PTPRE: variants seen among roughly 807,000 people sequenced by gnomAD.
PTPRE encodes receptor-type tyrosine-protein phosphatase epsilon.
In PTPRE, 51 loss-of-function variants were observed where a neutral mutation model predicts 102.0. The observed-to-expected ratio is 0.50, with a 90% CI of 0.40 to 0.63. PTPRE has a LOEUF of 0.63. Ranked by LOEUF, PTPRE falls within the 30% of genes least tolerant of loss-of-function variation. The pLI is 0.00. For missense variants in PTPRE, 752 were observed against 915.1 expected (o/e 0.82, Z 2.30); for synonymous variants, 345 against 348.2 (o/e 0.99, Z 0.10).
intron 10 of PTPRE, 40 bp from the exon 11 acceptor site, chr10:128,066,035 C>G: frequency 6.2e-7 from 1 of 1,614,072 alleles, no homozygotes; most frequent in South Asian, 1.1e-5. Flanking sequence ...ATGCATTGCA[C>G]CCACAGATCT....
chr10:128,070,143 C>T lies in PTPRE; in HGVS notation c.1144-158C>T, dbSNP rs140562779. ...CTCCTTACTCAAGGGCATAAATGGT[C>T]GTTATCCGTGGCCGGTACTCTGACT... On this transcript the variant is annotated intron_variant, in intron 13 of 20. Coordinates refer to ENST00000254667, the MANE Select transcript of PTPRE (RefSeq NM_006504.6). The surrounding 1 kb of genome is among the most constrained non-coding windows in gnomAD (Gnocchi z 4.8). The T allele has an allele frequency of 6.2e-4, 530 of 859,640 alleles. 4 individuals are homozygous for T. The East Asian group carries it at 9.7e-3, about 16-fold the overall frequency. 53.3% of individuals were successfully genotyped at this position (859,640 alleles called of 1,614,324 possible).
At chr10:128,027,556 G>A (rs544915230) in intron 2 of PTPRE, among the ~76,000 whole-genome samples, 1 of 152,284 alleles carries the variant, frequency 6.6e-6, no homozygotes, top group South Asian at 2.1e-4. Flanking sequence ...GTCAGCCTCC[G>A]CCTCCTGGCC....
chr10:128,040,472 G>A (rs1313183625), intron 2 of PTPRE, among the ~76,000 whole-genome samples: 2 of 152,120 alleles, frequency 1.3e-5, no homozygotes, highest in Non-Finnish European at 2.9e-5. Context: ...TGAATGGGAG[G>A]GGTAGAGTTA....
chr10:127,952,880 A>G (rs377157878), intron 1 of PTPRE, among the ~76,000 whole-genome samples: 1 of 152,190 alleles, frequency 6.6e-6, no homozygotes, highest in East Asian at 1.9e-4. Flanking sequence ...CTCTGGACTT[A>G]TAGGTTAGAC....
intron 1 of PTPRE, among the ~76,000 whole-genome samples, chr10:127,910,330 C>T (rs1385009023): frequency 6.6e-6 from 1 of 152,174 alleles, no homozygotes; most frequent in Non-Finnish European, 1.5e-5. Context: ...AACTCCTACC[C>T]ATACCTCAAG....
chr10:127,923,579 T>G (rs556305052), intron 1 of PTPRE, among the ~76,000 whole-genome samples: 1 of 152,148 alleles, frequency 6.6e-6, no homozygotes, highest in African/African-American at 2.4e-5. Context: ...AATTTTTGTA[T>G]TTTTAGTAAG....
At chr10:127,928,563 C>G (rs1350731274) in intron 1 of PTPRE, among the ~76,000 whole-genome samples, 1 of 152,190 alleles carries the variant, frequency 6.6e-6, no homozygotes, top group East Asian at 1.9e-4. Flanking sequence ...TTCCACGCAC[C>G]TAGACCCATG....
chr10:128,059,494 C>T (rs1849324679), intron 7 of PTPRE, among the ~76,000 whole-genome samples: 1 of 152,186 alleles, frequency 6.6e-6, no homozygotes, highest in Admixed American at 6.5e-5. Flanking sequence ...TCACAAACGC[C>T]ACAAACACCA....
intron 2 of PTPRE, among the ~76,000 whole-genome samples, chr10:128,007,105 C>CTT (rs1270442111): frequency 5.3e-5 from 8 of 151,908 alleles, no homozygotes; most frequent in African/African-American, 1.9e-4. Context: ...CTCTCTCTCT[C>CTT]TTTTTTTTAA....
Position 128,056,190 on chromosome 10 carries a change from A to C in PTPRE, c.488A>C (p.Asn163Thr). ...LANKEENREKNRYPNILPNDH... is the reference protein window; with the variant it reads ...LANKEENREKTRYPNILPNDH... Reference sequence around the variant, plus strand: ...AATAAAGAAGAAAACAGAGAAAAAAACAGATATCCCAACATCCTTCCCAGT... The same window carrying C: ...AATAAAGAAGAAAACAGAGAAAAAACCAGATATCCCAACATCCTTCCCAGT... The change falls in exon 7 of 21, where the codon AAC becomes ACC. Residue 163 changes from asparagine (N) to threonine (T), a missense_variant. Asn to Thr is a moderately conservative substitution (Grantham distance 65). This residue lies in a region of PTPRE where 636 missense variants were observed against 824.4 expected (regional missense o/e 0.77). Coordinates refer to ENST00000254667, the MANE Select transcript of PTPRE (RefSeq NM_006504.6). 1 of 1,610,588 alleles carries C rather than the reference A, an allele frequency of 6.2e-7. No individual in the cohort carries two copies. The highest frequency in any genetic ancestry group is 8.5e-7 in the Non-Finnish European group (1 of 1,176,786).
intron 3 of PTPRE, among the ~76,000 whole-genome samples, chr10:128,047,044 C>T (rs1848148099): frequency 6.6e-6 from 1 of 152,224 alleles, no homozygotes; most frequent in Admixed American, 6.5e-5. Context: ...TGTCCTAGGA[C>T]CCTGCAGTGG....
intron 2 of PTPRE, among the ~76,000 whole-genome samples, chr10:128,009,498 T>C (rs918165909): frequency 6.6e-6 from 1 of 152,214 alleles, no homozygotes; most frequent in Non-Finnish European, 1.5e-5. Flanking sequence ...AAAGGCCCCC[T>C]GTGTGCCAGC....
Position 128,063,192 on chromosome 10 carries a change from G to C in PTPRE, c.723+12G>C, listed in dbSNP as rs1849764691. On this transcript the variant is annotated intron_variant, in intron 10 of 20. Coordinates refer to ENST00000254667, the MANE Select transcript of PTPRE (RefSeq NM_006504.6). ...AAGAAAGGAAAGAGGTGAGTTCCAG[G>C]CATCTGGCCCCGGTATCACTTCCTT... 6.2e-7 allele frequency: 1 copy of C among 1,613,816 alleles called. No homozygotes were observed. Among genetic ancestry groups the C allele is most frequent in the Non-Finnish European group, 8.5e-7 (1 of 1,179,860 alleles).
chr10:127,940,937 G>A (rs145509541), intron 1 of PTPRE, among the ~76,000 whole-genome samples: 1 of 152,326 alleles, frequency 6.6e-6, no homozygotes, highest in African/African-American at 2.4e-5. Context: ...AGTGCACTCA[G>A]GCAGGTAGTG....
At chr10:127,939,699 C>T (rs1848081750) in intron 1 of PTPRE, among the ~76,000 whole-genome samples, 1 of 152,142 alleles carries the variant, frequency 6.6e-6, no homozygotes, top group Admixed American at 6.5e-5. Flanking sequence ...CCCAGCTGAG[C>T]CCAGCAGGGG....
At chr10:127,920,325 T>A (rs1564797140) in intron 1 of PTPRE, among the ~76,000 whole-genome samples, 1 of 151,906 alleles carries the variant, frequency 6.6e-6, no homozygotes, top group African/African-American at 2.4e-5. Flanking sequence ...GCATGAGGGG[T>A]CTCTTGCTGC....
At position 127,963,926 on chromosome 10, in the gene PTPRE, T is replaced by TA. The variant is rs549492429; in HGVS notation, c.-30-18342dup. Among the ~76,000 whole-genome samples, 3 of 152,288 alleles carry TA rather than the reference T, an allele frequency of 2.0e-5. No homozygotes were observed. The South Asian group carries it at 6.2e-4, about 32-fold the overall frequency. On this transcript the variant is annotated intron_variant, in intron 1 of 20. Coordinates refer to ENST00000254667, the MANE Select transcript of PTPRE (RefSeq NM_006504.6). The stretch of plus-strand genomic sequence containing the variant: ...CTACCTTGACCCTCTGTGCCTGAGA[T>TA]AAAAAAGATGGTTTCTCCTTCATGG...
rs376791704 is a variant in PTPRE, at chr10:128,070,654, A to C, written c.1294-154A>C. Among the ~76,000 whole-genome samples, 223 of 152,362 alleles carry C rather than the reference A, an allele frequency of 1.5e-3. No homozygotes were observed. Among genetic ancestry groups the C allele is most frequent in the African/African-American group, 5.2e-3 (216 of 41,596 alleles). ...GCCTCATAGCAGCCCTACTAGGCACACATTTGTATTTCCCAATGCTAAGGA... is the reference window on the plus strand; with the variant it reads ...GCCTCATAGCAGCCCTACTAGGCACCCATTTGTATTTCCCAATGCTAAGGA... On this transcript the variant is annotated intron_variant, in intron 14 of 20. Coordinates refer to ENST00000254667, the MANE Select transcript of PTPRE (RefSeq NM_006504.6). This position sits in a 1 kb window ranked among gnomAD's most constrained non-coding sequence, Gnocchi z 4.8.
intron 2 of PTPRE, among the ~76,000 whole-genome samples, chr10:128,033,229 C>G (rs1407360894): frequency 6.6e-6 from 1 of 152,202 alleles, no homozygotes; most frequent in African/African-American, 2.4e-5. Flanking sequence ...CTATTCTCAG[C>G]TAATTTTGCT....
Sources: gnomAD v4.1 joint callset for allele counts (sites outside exome capture counted in the v4.1 genomes callset) on GRCh38, gnomAD v4.1.1 for gene constraint, gnomAD v4.1.1 regional missense constraint, Gnocchi (gnomAD v3.1) non-coding constraint, MANE v1.5 for transcripts, NCBI Gene and HGNC (gene_info 2026-07-23, HGNC 2026-07-21) for gene names.